Variants in WWC1 observed in about 807,000 individuals in gnomAD.
The protein encoded by WWC1 is WW and C2 domain containing 1.
WWC1 carries 55 observed loss-of-function variants against 138.4 expected under a neutral mutation model. That is an observed-to-expected ratio of 0.40 (90% CI 0.32 to 0.50). The LOEUF is 0.50. Among genes scored for constraint, WWC1 ranks in the 20% least tolerant of loss-of-function variants. WWC1 has a pLI of 0.72. For missense variants in WWC1, 1,226 were observed against 1,420.4 expected, an observed-to-expected ratio of 0.86 and a Z score of 2.20; for synonymous variants, 524 against 564.9, an observed-to-expected ratio of 0.93 and a Z score of 1.03.
At chr5:168,383,262 C>T (rs1777786598) in intron 2 of WWC1, among the ~76,000 whole-genome samples, 1 of 152,008 alleles carries the variant, frequency 6.6e-6, no homozygotes, top group African/African-American at 2.4e-5. Context: ...TTGGGTTTTA[C>T]TTTCACTATC....
At chr5:168,456,158 G>A (rs997068853) in intron 19 of WWC1, among the ~76,000 whole-genome samples, 8 of 151,900 alleles carry the variant, frequency 5.3e-5, no homozygotes, top group African/African-American at 1.9e-4. Flanking sequence ...TTAAAAATTA[G>A]CTGGGCATGG....
chr5:168,338,428 G>GT, intron 1 of WWC1, among the ~76,000 whole-genome samples: 1 of 150,488 alleles, frequency 6.6e-6, no homozygotes. Context: ...TTTTTTGGGG[G>GT]GGGATTGAGT....
chr5:168,457,783 G>A (rs1328252413), intron 19 of WWC1, among the ~76,000 whole-genome samples: 2 of 152,246 alleles, frequency 1.3e-5, no homozygotes, highest in African/African-American at 4.8e-5. Flanking sequence ...CCAGGTTCCT[G>A]CCATGGCTGG....
intron 17 of WWC1, among the ~76,000 whole-genome samples, chr5:168,447,526 A>G (rs1755386597): frequency 6.6e-6 from 1 of 151,992 alleles, no homozygotes. Context: ...CCTTTTCACC[A>G]AGTATTCCCC....
chr5:168,322,735 G>T (rs1399333274), intron 1 of WWC1, among the ~76,000 whole-genome samples: 1 of 152,154 alleles, frequency 6.6e-6, no homozygotes, highest in Non-Finnish European at 1.5e-5. Context: ...TCTGGACCAG[G>T]GTGGTTTGGT....
intron 2 of WWC1, among the ~76,000 whole-genome samples, chr5:168,372,785 A>AC (rs1454264321): frequency 4.6e-5 from 7 of 152,120 alleles, no homozygotes; most frequent in African/African-American, 1.7e-4. Flanking sequence ...GCCCTTCATC[A>AC]CCCTGTATTA....
At chr5:168,356,338 T>C (rs754368022) in intron 1 of WWC1, among the ~76,000 whole-genome samples, 12 of 152,222 alleles carry the variant, frequency 7.9e-5, no homozygotes, top group Non-Finnish European at 1.5e-4. Context: ...GGAGGCAAGG[T>C]GTCTGGCCCA....
chr5:168,347,514 C>T (rs897268353), intron 1 of WWC1, among the ~76,000 whole-genome samples: 16 of 152,194 alleles, frequency 1.1e-4, no homozygotes, highest in African/African-American at 3.6e-4. Context: ...GAAGTCCATG[C>T]TCACCCTGTT....
At chr5:168,354,669 C>T (rs1047413150) in intron 1 of WWC1, among the ~76,000 whole-genome samples, 3 of 152,248 alleles carry the variant, frequency 2.0e-5, no homozygotes, top group African/African-American at 7.2e-5. Context: ...CTGTGTATTC[C>T]ATTCCACTGG....
intron 1 of WWC1, among the ~76,000 whole-genome samples, chr5:168,329,053 G>A (rs779082776): frequency 2.6e-5 from 4 of 152,204 alleles, no homozygotes; most frequent in Non-Finnish European, 4.4e-5. Flanking sequence ...TGCTCTTTCT[G>A]TCCTGATAAG....
chr5:168,403,442 T>C (rs948955080), intron 5 of WWC1, among the ~76,000 whole-genome samples: 1 of 152,166 alleles, frequency 6.6e-6, no homozygotes, highest in Non-Finnish European at 1.5e-5. Context: ...GTCATGATTC[T>C]GATGACACCA....
chr5:168,450,851 A>G (rs1194259526), intron 17 of WWC1, among the ~76,000 whole-genome samples: 3 of 152,190 alleles, frequency 2.0e-5, no homozygotes, highest in Non-Finnish European at 4.4e-5. Context: ...TATCATAATC[A>G]AAAACTTATG....
chr5:168,401,104 AAAAG>A (rs1283191950), intron 5 of WWC1, among the ~76,000 whole-genome samples: 4 of 152,156 alleles, frequency 2.6e-5, no homozygotes, highest in African/African-American at 4.8e-5. Flanking sequence ...AAAAAGGAAA[AAAAG>A]AAAGAAAAGA....
chr5:168,305,679 AG>A (rs1770494431), intron 1 of WWC1, among the ~76,000 whole-genome samples: 1 of 152,140 alleles, frequency 6.6e-6, no homozygotes, highest in Non-Finnish European at 1.5e-5. Context: ...CCTTTCTACA[AG>A]GAGATGAGGA....
At chr5:168,352,017 G>A (rs1775005741) in intron 1 of WWC1, among the ~76,000 whole-genome samples, 1 of 152,170 alleles carries the variant, frequency 6.6e-6, no homozygotes, top group African/African-American at 2.4e-5. Context: ...GCTGCCCTTT[G>A]CTAGCTGTAG....
At chr5:168,380,044 C>T (rs185381729) in intron 2 of WWC1, among the ~76,000 whole-genome samples, 1 of 152,246 alleles carries the variant, frequency 6.6e-6, no homozygotes, top group Non-Finnish European at 1.5e-5. Context: ...CCTCAAAAGA[C>T]ATTATTAAGA....
intron 13 of WWC1, 142 bp from the exon 14 acceptor site, chr5:168,429,995 A>G (rs1179346596): frequency 3.2e-6 from 2 of 631,174 alleles, no homozygotes; most frequent in African/African-American, 3.7e-5. Flanking sequence ...GCATGGCAGC[A>G]AAGCACTGGG....
intron 20 of WWC1, 49 bp downstream of exon 20, chr5:168,460,791 G>T (rs1225886572): frequency 1.3e-6 from 2 of 1,585,676 alleles, no homozygotes; most frequent in Admixed American, 1.7e-5. Flanking sequence ...CTCCCTCGTT[G>T]CCCCAAGCCC....
At chr5:168,399,400 G>T (rs772164421) in intron 4 of WWC1, 88 bp from the exon 5 acceptor site, 1 of 1,411,940 alleles carries the variant, frequency 7.1e-7, no homozygotes, top group Non-Finnish European at 9.9e-7. Flanking sequence ...GCAGTGGGAG[G>T]CTCTGGGTTC....
Sources: gnomAD v4.1 joint callset for allele counts (sites outside exome capture counted in the v4.1 genomes callset) on GRCh38, gnomAD v4.1.1 for gene constraint, MANE v1.5 for transcripts, NCBI Gene and HGNC (gene_info 2026-07-23, HGNC 2026-07-21) for gene names.